Variants in ARB2A observed in about 807,000 individuals in gnomAD.
The protein encoded by ARB2A is ARB2 cotranscriptional regulator A.
chr5:93,822,678 A>G, the ARB2A span, among the ~76,000 whole-genome samples: 4 of 152,108 alleles, frequency 2.6e-5, no homozygotes, highest in African/African-American at 9.6e-5. Context: ...AGGGATTGAA[A>G]GGAATTATTT....
the ARB2A span, among the ~76,000 whole-genome samples, chr5:93,952,944 T>C: frequency 1.3e-5 from 2 of 152,232 alleles, no homozygotes; most frequent in Admixed American, 1.3e-4. Context: ...AAAACACACA[T>C]TCTTCAGTCT....
At chr5:93,855,404 CTT>C in the ARB2A span, among the ~76,000 whole-genome samples, 1 of 152,114 alleles carries the variant, frequency 6.6e-6, no homozygotes, top group Non-Finnish European at 1.5e-5. Context: ...GGTCTTGACT[CTT>C]TATCCAATTT....
the ARB2A span, among the ~76,000 whole-genome samples, chr5:93,959,584 A>G: frequency 6.6e-6 from 1 of 152,170 alleles, no homozygotes; most frequent in Non-Finnish European, 1.5e-5. Flanking sequence ...AAAACTAACC[A>G]TCTATTCTAT....
the ARB2A span, among the ~76,000 whole-genome samples, chr5:93,818,993 C>T: frequency 2.6e-5 from 4 of 151,874 alleles, no homozygotes; most frequent in African/African-American, 9.7e-5. Flanking sequence ...CGAGACCATC[C>T]TGGCTAACAC....
the ARB2A span, among the ~76,000 whole-genome samples, chr5:93,886,677 G>A: frequency 6.6e-6 from 1 of 151,570 alleles, no homozygotes; most frequent in African/African-American, 2.4e-5. Flanking sequence ...AAACATAGCT[G>A]TTGGAACTGC....
the ARB2A span, among the ~76,000 whole-genome samples, chr5:93,842,974 C>T: frequency 2.8e-4 from 42 of 152,290 alleles, no homozygotes; most frequent in Middle Eastern, 3.4e-3. Flanking sequence ...CCCAAACCCC[C>T]GGGCCTTCAT....
At chr5:94,004,783 C>T in the ARB2A span, among the ~76,000 whole-genome samples, 1 of 151,348 alleles carries the variant, frequency 6.6e-6, no homozygotes, top group Admixed American at 6.6e-5. Flanking sequence ...ATCAGCAAAT[C>T]AATATATTAC....
chr5:94,030,254 A>G, the ARB2A span, among the ~76,000 whole-genome samples: 1 of 152,220 alleles, frequency 6.6e-6, no homozygotes, highest in East Asian at 1.9e-4. Context: ...GTCTGGGTTG[A>G]TTCCACTGGT....
At chr5:93,780,280 C>T in the ARB2A span, among the ~76,000 whole-genome samples, 3 of 152,176 alleles carry the variant, frequency 2.0e-5, no homozygotes, top group Admixed American at 6.5e-5. Context: ...TAGAGCCGCA[C>T]ATCTGGTGTG....
the ARB2A span, among the ~76,000 whole-genome samples, chr5:93,765,438 A>G: frequency 6.6e-6 from 1 of 152,202 alleles, no homozygotes; most frequent in Non-Finnish European, 1.5e-5. Flanking sequence ...GTGAACTCCC[A>G]TTCACAATTG....
At chr5:93,821,619 G>A in the ARB2A span, among the ~76,000 whole-genome samples, 1 of 151,452 alleles carries the variant, frequency 6.6e-6, no homozygotes, top group Non-Finnish European at 1.5e-5. Flanking sequence ...GCCTAAAACT[G>A]AATAACATTT....
the ARB2A span, among the ~76,000 whole-genome samples, chr5:94,041,627 G>C: frequency 3.9e-5 from 6 of 152,120 alleles, no homozygotes; most frequent in South Asian, 2.1e-4. Context: ...AATAAAGACA[G>C]TTTTAAAGAT....
chr5:93,806,879 A>C, the ARB2A span, among the ~76,000 whole-genome samples: 3 of 151,978 alleles, frequency 2.0e-5, no homozygotes, highest in African/African-American at 7.2e-5. Context: ...GACCTGTTAA[A>C]AAACAGTATA....
chr5:93,984,162 G>A, the ARB2A span, among the ~76,000 whole-genome samples: 1 of 151,942 alleles, frequency 6.6e-6, no homozygotes, highest in Non-Finnish European at 1.5e-5. Context: ...AGTAAAGGGG[G>A]ATAATGTTTT....
the ARB2A span, chr5:93,958,823 T>C: frequency 6.2e-7 from 1 of 1,603,000 alleles, no homozygotes; most frequent in Non-Finnish European, 8.5e-7. Context: ...ACTGTCCAGA[T>C]CTTCATTTAT....
chr5:94,051,420 C>G, the ARB2A span, among the ~76,000 whole-genome samples: 1 of 152,226 alleles, frequency 6.6e-6, no homozygotes, highest in African/African-American at 2.4e-5. Flanking sequence ...AGTGAGCTAA[C>G]ACAGGTTCAG....
the ARB2A span, among the ~76,000 whole-genome samples, chr5:93,696,133 A>G: frequency 6.6e-6 from 1 of 152,112 alleles, no homozygotes; most frequent in South Asian, 2.1e-4. Flanking sequence ...GTGTATACCT[A>G]TGTAACAAAC....
At chr5:93,942,689 A>G in the ARB2A span, among the ~76,000 whole-genome samples, 1 of 151,642 alleles carries the variant, frequency 6.6e-6, no homozygotes, top group Non-Finnish European at 1.5e-5. Flanking sequence ...TATAAAAGTA[A>G]TATCTTTTTA....
the ARB2A span, among the ~76,000 whole-genome samples, chr5:93,999,035 C>G: frequency 6.6e-6 from 1 of 152,050 alleles, no homozygotes; most frequent in Non-Finnish European, 1.5e-5. Flanking sequence ...ATTTCTCTCC[C>G]CTAAAGTTAA....
Sources: allele counts gnomAD v4.1 joint callset (sites outside exome capture counted in the v4.1 genomes callset), GRCh38; gene constraint gnomAD v4.1.1; transcripts MANE v1.5; gene names NCBI Gene and HGNC (gene_info 2026-07-23, HGNC 2026-07-21).